The following RTN1 variants were observed in gnomAD, a reference collection of about 807,000 sequenced individuals.
The protein encoded by RTN1 is reticulon 1.
RTN1 carries 25 observed loss-of-function variants against 65.5 expected under a neutral mutation model. The observed-to-expected ratio is 0.38, with a 90% CI of 0.28 to 0.53. The LOEUF (loss-of-function observed/expected upper bound fraction) is 0.53. Among genes scored for constraint, RTN1 ranks in the 20% least tolerant of loss-of-function variants. The pLI is 0.79. For missense variants in RTN1, 983 were observed against 1,025.4 expected (o/e 0.96, Z 0.57); for synonymous variants, 471 against 447.6 (o/e 1.05, Z -0.66).
At chr14:59,610,009 C>T (rs2140166800) in intron 3 of RTN1, 1 of 691,584 alleles carries the variant, frequency 1.4e-6, no homozygotes, top group South Asian at 1.6e-5. Flanking sequence ...AAGATGCTTA[C>T]CCACTTGTGA....
intron 1 of RTN1, among the ~76,000 whole-genome samples, chr14:59,749,681 A>G (rs1270750311): frequency 1.6e-5 from 1 of 63,668 alleles, no homozygotes; most frequent in Non-Finnish European, 2.6e-5. Flanking sequence ...TTATATATCT[A>G]TATATTTACA....
chr14:59,735,958 T>C (rs1273548743), intron 2 of RTN1, among the ~76,000 whole-genome samples: 3 of 152,054 alleles, frequency 2.0e-5, no homozygotes, highest in Admixed American at 6.6e-5. Flanking sequence ...AATAATAAAA[T>C]TAAGGCAGAA....
chr14:59,745,747 C>T lies in RTN1; in HGVS notation c.976G>A (p.Asp326Asn), dbSNP rs141691406. The T allele has an allele frequency of 1.1e-5, 18 of 1,613,140 alleles. No homozygotes were observed. Among genetic ancestry groups the T allele is most frequent in the African/African-American group, 1.3e-5 (1 of 74,810 alleles). Residue 326 changes from aspartate to asparagine, a missense_variant, in exon 2 of 9, where the codon GAC becomes AAC. By Grantham distance (23) the Asp-to-Asn change is conservative. Coordinates refer to ENST00000267484, the MANE Select transcript of RTN1 (RefSeq NM_021136.3). ...GGAGGGGTGATAGATCCTGGGCTGT[C>T]GTCTTCAGGCTCCGAGACAGTGACA... ...PTVTVSEPED[D>N]SPGSITPPSS... is the part of the protein sequence containing the mutation.
chr14:59,662,354 C>T (rs1883269302), intron 3 of RTN1, among the ~76,000 whole-genome samples: 1 of 141,414 alleles, frequency 7.1e-6, no homozygotes, highest in Non-Finnish European at 1.5e-5. Flanking sequence ...TGTCCCCCTT[C>T]CTGTGTCCAA....
At chr14:59,762,331 A>G (rs969489883) in intron 1 of RTN1, among the ~76,000 whole-genome samples, 3 of 152,194 alleles carry the variant, frequency 2.0e-5, no homozygotes, top group African/African-American at 7.2e-5. Flanking sequence ...ATAACAACTA[A>G]CATTTAAAAT....
chr14:59,806,440 A>C (rs1483721899), intron 1 of RTN1, among the ~76,000 whole-genome samples: 3 of 152,246 alleles, frequency 2.0e-5, no homozygotes, highest in Middle Eastern at 3.4e-3. Context: ...ATATATTTTC[A>C]TATTTTACCT....
chr14:59,673,102 G>C (rs1336741369), intron 3 of RTN1, among the ~76,000 whole-genome samples: 3 of 152,180 alleles, frequency 2.0e-5, no homozygotes, highest in Admixed American at 2.0e-4. Context: ...TACTAAGAGA[G>C]CCCTTGTATA....
At chr14:59,807,910 T>C (rs1886665178) in intron 1 of RTN1, among the ~76,000 whole-genome samples, 1 of 152,220 alleles carries the variant, frequency 6.6e-6, no homozygotes, top group Non-Finnish European at 1.5e-5. Context: ...GTTCTTTCAA[T>C]ATACTCTAAA....
At chr14:59,621,429 C>T (rs951278873) in intron 3 of RTN1, among the ~76,000 whole-genome samples, 1 of 152,312 alleles carries the variant, frequency 6.6e-6, no homozygotes, top group South Asian at 2.1e-4. Context: ...AACACATTGG[C>T]TTTGAAATGA....
chr14:59,832,623 G>A (rs775743536), intron 1 of RTN1, among the ~76,000 whole-genome samples: 72 of 152,202 alleles, frequency 4.7e-4, no homozygotes, highest in Non-Finnish European at 7.5e-4. Context: ...ACACAGTGGA[G>A]GTGCCTCACC....
intron 3 of RTN1, among the ~76,000 whole-genome samples, chr14:59,609,620 T>C (rs902671666): frequency 1.3e-5 from 2 of 152,058 alleles, no homozygotes; most frequent in African/African-American, 4.8e-5. Context: ...AGACAATAAA[T>C]TGGGGCAAGC....
At chr14:59,863,173 A>G (rs1398971705) in intron 1 of RTN1, among the ~76,000 whole-genome samples, 1 of 151,806 alleles carries the variant, frequency 6.6e-6, no homozygotes, top group African/African-American at 2.4e-5. Context: ...CATTTACATC[A>G]TCTTGCAAAT....
chr14:59,635,236 T>C (rs1418014511), intron 3 of RTN1, among the ~76,000 whole-genome samples: 3 of 152,164 alleles, frequency 2.0e-5, no homozygotes, highest in Non-Finnish European at 4.4e-5. Flanking sequence ...CAGAATCTAA[T>C]AGTTTGAGAA....
At chr14:59,688,621 G>T (rs1220583044) in intron 3 of RTN1, among the ~76,000 whole-genome samples, 2 of 152,172 alleles carry the variant, frequency 1.3e-5, no homozygotes, top group Non-Finnish European at 2.9e-5. Flanking sequence ...CTACCCATAG[G>T]CACCATCTAC....
At chr14:59,644,371 A>G (rs2140193988) in intron 3 of RTN1, among the ~76,000 whole-genome samples, 1 of 152,170 alleles carries the variant, frequency 6.6e-6, no homozygotes, top group African/African-American at 2.4e-5. Context: ...TGACCCTAAG[A>G]CCCATGCTTC....
At chr14:59,673,755 C>T (rs541907337) in intron 3 of RTN1, among the ~76,000 whole-genome samples, 61 of 152,216 alleles carry the variant, frequency 4.0e-4, no homozygotes, top group African/African-American at 1.1e-3. Context: ...TGGACTCTAT[C>T]GAGAACTGGC....
chr14:59,770,666 T>A (rs981136151), intron 1 of RTN1, among the ~76,000 whole-genome samples: 1 of 152,196 alleles, frequency 6.6e-6, no homozygotes, highest in Non-Finnish European at 1.5e-5. Context: ...ATTGATCAAA[T>A]TAATTACAGG....
chr14:59,684,487 T>C (rs1466675461), intron 3 of RTN1, among the ~76,000 whole-genome samples: 1 of 152,078 alleles, frequency 6.6e-6, no homozygotes, highest in East Asian at 1.9e-4. Context: ...ATAAGAAGCA[T>C]GTTTAGACTC....
In RTN1 at chr14:59,639,793, T is replaced by C. The variant is rs576802501; in HGVS notation, c.1766-32301A>G. Among the ~76,000 whole-genome samples the C allele has an allele frequency of 1.2e-4, 18 of 152,332 alleles. No homozygotes were observed. The South Asian group carries it at 3.7e-3, about 32-fold the overall frequency. On this transcript the variant is annotated intron_variant, in intron 3 of 8. Transcript: ENST00000267484. ...TTCTAAAGCTATTGAGATGACCACA[T>C]GGATTTTTTTATTTTTTTAATATAA... is the stretch of plus-strand genomic sequence containing the variant.
Sources: gnomAD v4.1 joint callset for allele counts (sites outside exome capture counted in the v4.1 genomes callset) on GRCh38, gnomAD v4.1.1 for gene constraint, MANE v1.5 for transcripts, NCBI Gene and HGNC (gene_info 2026-07-23, HGNC 2026-07-21) for gene names.